Variants in GLIS1 observed in about 807,000 individuals in gnomAD.
GLIS1 encodes the protein zinc finger protein GLIS1.
GLIS1 carries 24 observed loss-of-function variants against 63.8 expected under a neutral mutation model. The ratio of observed to expected loss-of-function variants is 0.38; its 90% confidence interval spans 0.27 to 0.53. The LOEUF is 0.53. GLIS1 is among the 20% of genes least tolerant of loss of function. GLIS1 has a pLI of 0.85. For missense variants in GLIS1, 1,036 were observed against 1,074.1 expected (o/e 0.96, Z 0.50); for synonymous variants, 450 against 482.5 (o/e 0.93, Z 0.88).
At chr1:53,522,587 T>C (rs72675172) in intron 6 of GLIS1, among the ~76,000 whole-genome samples, 370 of 152,326 alleles carry the variant, frequency 2.4e-3, no homozygotes, top group Middle Eastern at 6.8e-3. Flanking sequence ...TGCATGATGC[T>C]GGGCTGGTTT....
chr1:53,517,160 G>A (rs545008388), intron 7 of GLIS1, among the ~76,000 whole-genome samples: 2 of 151,942 alleles, frequency 1.3e-5, no homozygotes, highest in Non-Finnish European at 2.9e-5. Flanking sequence ...GCAGCAGAGA[G>A]AGAAAGTCCA....
intron 2 of GLIS1, among the ~76,000 whole-genome samples, chr1:53,700,100 C>T (rs922499536): frequency 4.3e-4 from 66 of 152,322 alleles, no homozygotes; most frequent in African/African-American, 1.5e-3. Context: ...ATGGCAGAGG[C>T]CACTACACGC....
Position 53,625,548 on chromosome 1 carries a change from T to C in GLIS1, c.260-25270A>G, listed in dbSNP as rs368051639. ...CAAGTAGTCATTCAAAAAACATTGA[T>C]TGCACATCTCCTGTTGACATTCTTG... On this transcript the variant is annotated intron_variant, in intron 2 of 10. Transcript: ENST00000628545. 3.3e-5 allele frequency among the ~76,000 whole-genome samples: 5 copies of C among 152,304 alleles called. No individual in the cohort carries two copies. The East Asian group carries it at 7.7e-4, about 24-fold the overall frequency.
chr1:53,656,580 T>C (rs1052217307), intron 2 of GLIS1, among the ~76,000 whole-genome samples: 29 of 152,338 alleles, frequency 1.9e-4, no homozygotes, highest in Non-Finnish European at 8.8e-5. Flanking sequence ...ACACATCTTA[T>C]AGACTTCTCC....
intron 2 of GLIS1, among the ~76,000 whole-genome samples, chr1:53,672,942 C>T (rs1453492739): frequency 1.1e-4 from 16 of 152,226 alleles, no homozygotes; most frequent in Non-Finnish European, 1.5e-4. Flanking sequence ...GCTCAGGCAG[C>T]GTGGGCCCTC....
chr1:53,606,619 G>A (rs966606051), intron 2 of GLIS1, among the ~76,000 whole-genome samples: 1 of 152,240 alleles, frequency 6.6e-6, no homozygotes, highest in Non-Finnish European at 1.5e-5. Context: ...GAAGCCCAGA[G>A]ACCAGCAGGG....
At position 53,598,375 on chromosome 1, in the gene GLIS1, T is replaced by C. The variant is rs552994188; in HGVS notation, c.437+1726A>G. 1.1e-4 allele frequency among the ~76,000 whole-genome samples: 17 copies of C among 152,156 alleles called. No individual in the cohort carries two copies. The South Asian group carries it at 3.3e-3, about 30-fold the overall frequency. On this transcript the variant is annotated intron_variant, in intron 3 of 10. Transcript: ENST00000628545. The surrounding 1 kb of genome is among the most constrained non-coding windows in gnomAD (Gnocchi z 4.6). The stretch of plus-strand genomic sequence containing the variant: ...CCGGCCAACATGGTGAAACCCCGTC[T>C]CTATAAAAAATTAGCCAGGCGTGGT...
chr1:53,506,754 G>A lies in GLIS1; in HGVS notation c.2253C>T (p.Ala751=), dbSNP rs1465763490. 9 of 1,611,848 alleles carry A rather than the reference G, an allele frequency of 5.6e-6. No homozygotes were observed. Among genetic ancestry groups the A allele is most frequent in the East Asian group, 2.2e-5 (1 of 44,878 alleles). The change falls in exon 11 of 11, where the codon GCC becomes GCT. Residue 751 remains alanine (A), a synonymous_variant. Transcript: ENST00000628545. ...PATGYEALAE[A]SCPTALPQQP... ...GCTGTGGCAGCGCTGTGGGGCATGA[G>A]GCCTCAGCCAGGGCCTCATAGCCTG...
At chr1:53,550,545 A>G (rs1644747724) in intron 4 of GLIS1, among the ~76,000 whole-genome samples, 1 of 152,204 alleles carries the variant, frequency 6.6e-6, no homozygotes. Flanking sequence ...CAAGAAGATG[A>G]TAAAATATTG....
Position 53,594,091 on chromosome 1 carries a change from G to A in GLIS1, c.1320+17C>T, listed in dbSNP as rs759207828. 29 of 1,589,232 alleles carry A rather than the reference G, an allele frequency of 1.8e-5. No individual in the cohort carries two copies. The Admixed American group carries it at 2.5e-4, about 14-fold the overall frequency. On this transcript the variant is annotated intron_variant, in intron 4 of 10. Transcript: ENST00000628545. ...CAGAGGGGCTGGGGTGAGGCCTGGC[G>A]GCCGGTGGGAACTCACCATGCACTT...
chr1:53,673,229 T>C lies in GLIS1; in HGVS notation c.259+64577A>G, dbSNP rs113573663. On this transcript the variant is annotated intron_variant, in intron 2 of 10. Transcript: ENST00000628545. ...CATGCCCACAGAATTTTTGTTGTTG[T>C]TGCTAGTGGAACGCCGCAGTGATTT... is the stretch of plus-strand genomic sequence containing the variant. 2.6e-3 allele frequency among the ~76,000 whole-genome samples: 398 copies of C among 152,316 alleles called. 6 individuals are homozygous for C. Among genetic ancestry groups the C allele is most frequent in the Admixed American group, 4.5e-3 (69 of 15,306 alleles).
At chr1:53,580,489 T>C in intron 4 of GLIS1, among the ~76,000 whole-genome samples, 1 of 152,188 alleles carries the variant, frequency 6.6e-6, no homozygotes. Flanking sequence ...TACACGTGAC[T>C]GCTTTTGAGG....
chr1:53,686,366 C>G (rs1646337309), intron 2 of GLIS1, among the ~76,000 whole-genome samples: 1 of 152,214 alleles, frequency 6.6e-6, no homozygotes, highest in Non-Finnish European at 1.5e-5. Flanking sequence ...TTTCCACCAG[C>G]CCCCTAGCCT....
intron 7 of GLIS1, among the ~76,000 whole-genome samples, chr1:53,517,814 CG>C (rs1557942773): frequency 6.6e-6 from 1 of 152,202 alleles, no homozygotes; most frequent in African/African-American, 2.4e-5. Context: ...GCCCCTGCCC[CG>C]GGGCCAGGTC....
At chr1:53,718,128 T>G (rs1333351606) in intron 2 of GLIS1, among the ~76,000 whole-genome samples, 1 of 152,192 alleles carries the variant, frequency 6.6e-6, no homozygotes, top group Admixed American at 6.5e-5. Flanking sequence ...GGCTATGCAG[T>G]TTTCCAAGCC....
At chr1:53,689,767 C>CCCA (rs1362784562) in intron 2 of GLIS1, among the ~76,000 whole-genome samples, 2 of 152,172 alleles carry the variant, frequency 1.3e-5, no homozygotes, top group African/African-American at 4.8e-5. Context: ...ATGTGTTACC[C>CCCA]CCACCAGGCC....
intron 2 of GLIS1, among the ~76,000 whole-genome samples, chr1:53,608,924 C>A (rs986949720): frequency 6.6e-6 from 1 of 152,188 alleles, no homozygotes; most frequent in Non-Finnish European, 1.5e-5. Flanking sequence ...AGGATGCATG[C>A]AGCCCTGGGG....
At chr1:53,649,086 C>T (rs1645878192) in intron 2 of GLIS1, among the ~76,000 whole-genome samples, 1 of 152,014 alleles carries the variant, frequency 6.6e-6, no homozygotes, top group African/African-American at 2.4e-5. Context: ...AAAAAATTCA[C>T]AGACGAACTG....
intron 4 of GLIS1, among the ~76,000 whole-genome samples, chr1:53,559,296 C>T (rs1391494026): frequency 1.3e-5 from 2 of 152,178 alleles, no homozygotes; most frequent in Non-Finnish European, 2.9e-5. Flanking sequence ...CCAGGGCCTC[C>T]TGGCTTGGTG....
Sources: gnomAD v4.1 joint callset for allele counts (sites outside exome capture counted in the v4.1 genomes callset) on GRCh38, gnomAD v4.1.1 for gene constraint, Gnocchi (gnomAD v3.1) non-coding constraint, MANE v1.5 for transcripts, NCBI Gene and HGNC (gene_info 2026-07-23, HGNC 2026-07-21) for gene names.